CTIF: variants seen among roughly 807,000 people sequenced by gnomAD.
The protein encoded by CTIF is CBP80/20-dependent translation initiation factor.
A neutral mutation model predicts 66.0 loss-of-function variants in CTIF; 21 were observed. The ratio of observed to expected loss-of-function variants is 0.32; its 90% confidence interval spans 0.23 to 0.46. CTIF has a LOEUF of 0.46. CTIF is among the 20% of genes least tolerant of loss of function. The pLI is 1.00. For missense variants in CTIF, 739 were observed against 812.7 expected, an observed-to-expected ratio of 0.91 and a Z score of 1.10; for synonymous variants, 345 against 326.4, an observed-to-expected ratio of 1.06 and a Z score of -0.62.
intron 1 of CTIF, chr18:48,565,212 A>C (rs905012149): frequency 6.6e-6 from 1 of 152,092 alleles, no homozygotes; most frequent in Admixed American, 6.6e-5. Flanking sequence ...CACGGAGTCC[A>C]AGCCCCACAG....
At chr18:48,692,213 A>G (rs8083681) in intron 6 of CTIF, among the ~76,000 whole-genome samples, 57,515 of 151,948 alleles carry the variant, frequency 0.38, 13,511 homozygotes, top group African/African-American at 0.67. Flanking sequence ...ACCCTTGCTC[A>G]ACTCAACTGG....
At chr18:48,749,912 C>T (rs554639152) in intron 7 of CTIF, among the ~76,000 whole-genome samples, 22 of 152,276 alleles carry the variant, frequency 1.4e-4, no homozygotes, top group African/African-American at 3.1e-4. Context: ...CTTGGCAGGC[C>T]GAGCGGAAGG....
Position 48,568,633 on chromosome 18 carries a change from T to TAAAAAAAAAAAAAGAAAAAAAAAAAAAAA in CTIF, c.-29+29334_-29+29335insGAAAAAAAAAAAAAAAAAAAAAAAAAAAA, listed in dbSNP as rs2089332245. 4.1e-4 allele frequency among the ~76,000 whole-genome samples: 15 copies of TAAAAAAAAAAAAAGAAAAAAAAAAAAAAA among 36,620 alleles called. 1 individual carries two copies. Among genetic ancestry groups the TAAAAAAAAAAAAAGAAAAAAAAAAAAAAA allele is most frequent in the Non-Finnish European group, 8.5e-4 (14 of 16,554 alleles). The allele number at this position is 36,620 out of a possible 152,430, so 24.0% of individuals were successfully genotyped here. Reference sequence around the variant, plus strand: ...GAAATACCTGAGACTGGGCAATTTGTAAAAAAAAAAAAAAAAAAAAAAAAA... The same window carrying TAAAAAAAAAAAAAGAAAAAAAAAAAAAAA: ...GAAATACCTGAGACTGGGCAATTTGTAAAAAAAAAAAAAGAAAAAAAAAAAAAAAAAAAAAAAAAAAAAAAAAAAAAAAA... On this transcript the variant is annotated intron_variant, in intron 1 of 11. Coordinates refer to ENST00000256413, the MANE Select transcript of CTIF (RefSeq NM_014772.3).
At chr18:48,849,582 C>CTTTTTTTTT (rs377281281) in intron 10 of CTIF, among the ~76,000 whole-genome samples, 1 of 114,438 alleles carries the variant, frequency 8.7e-6, no homozygotes. Flanking sequence ...CCATTTTAAA[C>CTTTTTTTTT]TTTTTTTTTT....
At chr18:48,728,798 A>G (rs113966815) in intron 7 of CTIF, among the ~76,000 whole-genome samples, 398 of 151,914 alleles carry the variant, frequency 2.6e-3, no homozygotes, top group African/African-American at 9.2e-3. Flanking sequence ...GATCTTTTGT[A>G]ACCTGGTCTC....
chr18:48,625,156 T>A, intron 2 of CTIF: 11 of 958,472 alleles, frequency 1.1e-5, no homozygotes, highest in Non-Finnish European at 1.4e-5. Flanking sequence ...CTTCTGCCCT[T>A]AAATTCATTT....
chr18:48,785,438 C>T (rs904564642), intron 9 of CTIF, among the ~76,000 whole-genome samples: 5 of 152,256 alleles, frequency 3.3e-5, no homozygotes, highest in Admixed American at 6.5e-5. Flanking sequence ...GAACTCCTCA[C>T]ATCTCAGGCT....
rs532261534 is a variant in CTIF at position 48,663,191 on chromosome 18, G to T, written c.253-561G>T. 1.7e-4 allele frequency among the ~76,000 whole-genome samples: 26 copies of T among 152,340 alleles called. No homozygotes were observed. In the East Asian group the frequency reaches 5.0e-3, roughly 29 times the overall value. ...TTTGCCAGGGAGCTCACCAGCCAGA[G>T]AGCAGAGAAACCAAATCATAGAAGC... On this transcript the variant is annotated intron_variant, in intron 3 of 11. Transcript: ENST00000256413.
At chr18:48,592,815 GC>G (rs1327022223) in intron 1 of CTIF, among the ~76,000 whole-genome samples, 2 of 152,232 alleles carry the variant, frequency 1.3e-5, no homozygotes, top group Non-Finnish European at 2.9e-5. Context: ...AAGCCTGCCT[GC>G]CGTTCACAGG....
intron 9 of CTIF, among the ~76,000 whole-genome samples, chr18:48,803,780 G>A (rs780744309): frequency 6.6e-6 from 1 of 152,302 alleles, no homozygotes; most frequent in East Asian, 1.9e-4. Flanking sequence ...GGGGAGGGGG[G>A]GCTCTGTCTT....
rs1399588508 is a variant in CTIF, at chr18:48,817,328, C to T, written c.1479C>T (p.Gly493=). 1.9e-6 allele frequency: 3 copies of T among 1,613,752 alleles called. No homozygotes were observed. Among genetic ancestry groups the T allele is most frequent in the Non-Finnish European group, 1.7e-6 (2 of 1,179,994 alleles). ...TCGGCACCATGCGCAGCAGCACAGGCGAGCCCTTCCGTGTGCTCGTGTGCC... is the reference window on the plus strand; with the variant it reads ...TCGGCACCATGCGCAGCAGCACAGGTGAGCCCTTCCGTGTGCTCGTGTGCC... ...EVFGTMRSST[G]EPFRVLVCPI... The change falls in exon 10 of 12, where the codon GGC becomes GGT. Residue 493 remains glycine (G), a synonymous_variant. Coordinates refer to ENST00000256413, the MANE Select transcript of CTIF (RefSeq NM_014772.3).
At chr18:48,690,148 C>G (rs1214395025) in intron 6 of CTIF, among the ~76,000 whole-genome samples, 2 of 152,108 alleles carry the variant, frequency 1.3e-5, no homozygotes, top group Non-Finnish European at 2.9e-5. Flanking sequence ...GACACTCTCT[C>G]CCCCATCTCC....
chr18:48,578,169 C>G (rs972941547), intron 1 of CTIF, among the ~76,000 whole-genome samples: 1 of 151,078 alleles, frequency 6.6e-6, no homozygotes, highest in Non-Finnish European at 1.5e-5. Flanking sequence ...TTTTTTTTAT[C>G]ACTGAGTAAT....
rs141481653 is a variant in CTIF, at chr18:48,803,897, T to G, written c.1372-13324T>G. Among the ~76,000 whole-genome samples, 224 of 152,294 alleles carry G rather than the reference T, an allele frequency of 1.5e-3. 1 individual carries two copies. The highest frequency in any genetic ancestry group is 4.1e-3 in the Admixed American group (62 of 15,308). ...GTGGCAGCAGAAAAATCAGTCAGCA[T>G]GCAAGTCAAAGCCCAGACAAGGGAG... is the stretch of plus-strand genomic sequence containing the variant. On this transcript the variant is annotated intron_variant, in intron 9 of 11. Coordinates refer to ENST00000256413, the MANE Select transcript of CTIF (RefSeq NM_014772.3).
intron 1 of CTIF, among the ~76,000 whole-genome samples, chr18:48,543,810 C>G (rs549957805): frequency 6.6e-6 from 1 of 152,290 alleles, no homozygotes; most frequent in African/African-American, 2.4e-5. Context: ...AGGTTCTTCC[C>G]AAAGAGTGAG....
At chr18:48,796,413 C>T (rs918834731) in intron 9 of CTIF, among the ~76,000 whole-genome samples, 5 of 152,046 alleles carry the variant, frequency 3.3e-5, no homozygotes, top group Non-Finnish European at 7.4e-5. Flanking sequence ...CCTGACCTCG[C>T]AATCTGCCCG....
chr18:48,723,859 G>A (rs1289281054), intron 7 of CTIF, among the ~76,000 whole-genome samples: 2 of 152,106 alleles, frequency 1.3e-5, no homozygotes, highest in Non-Finnish European at 2.9e-5. Context: ...AGCCAAGGTG[G>A]CCTCTATTAC....
chr18:48,667,159 A>C (rs1343495965), intron 5 of CTIF, among the ~76,000 whole-genome samples: 1 of 152,052 alleles, frequency 6.6e-6, no homozygotes, highest in South Asian at 2.1e-4. Flanking sequence ...TGTTTATTCT[A>C]CTGGGAAAAG....
At chr18:48,855,541 A>T (rs750605194) in intron 10 of CTIF, among the ~76,000 whole-genome samples, 2 of 152,200 alleles carry the variant, frequency 1.3e-5, no homozygotes, top group African/African-American at 4.8e-5. Context: ...GATGCTCTCG[A>T]GTTTGCCAGC....
Sources: allele counts gnomAD v4.1 joint callset (sites outside exome capture counted in the v4.1 genomes callset), GRCh38; gene constraint gnomAD v4.1.1; transcripts MANE v1.5; gene names NCBI Gene and HGNC (gene_info 2026-07-23, HGNC 2026-07-21).